ELOVL5: variants seen among roughly 807,000 people sequenced by gnomAD.
The protein encoded by ELOVL5 is very long chain fatty acid elongase 5.
ELOVL5 carries 8 observed loss-of-function variants against 38.6 expected under a neutral mutation model. The observed-to-expected ratio is 0.21, with a 90% CI of 0.12 to 0.37. The LOEUF (loss-of-function observed/expected upper bound fraction) is 0.37, where lower values mean the gene tolerates loss of function less well. Ranked by LOEUF, ELOVL5 falls within the 10% of genes least tolerant of loss-of-function variation. ELOVL5 has a pLI of 1.00. For synonymous variants in ELOVL5, 127 were observed against 133.7 expected, an observed-to-expected ratio of 0.95 and a Z score of 0.34; for missense variants, 280 against 367.8, an observed-to-expected ratio of 0.76 and a Z score of 1.95.
chr6:53,312,110 C>T (rs9395856), intron 1 of ELOVL5, among the ~76,000 whole-genome samples: 55,236 of 151,886 alleles, frequency 0.36, 11,154 homozygotes, highest in African/African-American at 0.55. Context: ...TGAAACCTTC[C>T]GTAACCTAGA....
At chr6:53,330,517 CTTT>C (rs757160862) in intron 1 of ELOVL5, among the ~76,000 whole-genome samples, 1,118 of 91,352 alleles carry the variant, frequency 0.012, 15 homozygotes, top group African/African-American at 0.044. Flanking sequence ...TCTTTATAAA[CTTT>C]TTTTTTTTTT....
chr6:53,324,517 A>G (rs1768438891), intron 1 of ELOVL5, among the ~76,000 whole-genome samples: 1 of 151,570 alleles, frequency 6.6e-6, no homozygotes, highest in South Asian at 2.1e-4. Flanking sequence ...CTCTACAAAA[A>G]ATAGGAAAAT....
chr6:53,285,696 G>A (rs1766542451), intron 3 of ELOVL5, among the ~76,000 whole-genome samples: 1 of 152,118 alleles, frequency 6.6e-6, no homozygotes, highest in Admixed American at 6.5e-5. Context: ...GGAACCTTGA[G>A]CTCCTGGGCA....
intron 1 of ELOVL5, chr6:53,336,897 T>C (rs1212588519): frequency 1.3e-5 from 2 of 152,166 alleles, no homozygotes; most frequent in African/African-American, 4.8e-5. Flanking sequence ...CCTTCAACCA[T>C]TGTTTACTAT....
intron 1 of ELOVL5, among the ~76,000 whole-genome samples, chr6:53,331,199 T>C (rs1211976209): frequency 6.6e-6 from 1 of 152,018 alleles, no homozygotes; most frequent in Non-Finnish European, 1.5e-5. Flanking sequence ...TGGTGGTACA[T>C]ACCTGTGGTC....
At chr6:53,290,240 A>G (rs1419438498) in intron 3 of ELOVL5, 1 of 152,252 alleles carries the variant, frequency 6.6e-6, no homozygotes, top group Admixed American at 6.5e-5. Context: ...TCTAGGGCTT[A>G]AGAAACATTT....
At chr6:53,318,865 ATAT>A (rs1443880355) in intron 1 of ELOVL5, among the ~76,000 whole-genome samples, 3 of 152,228 alleles carry the variant, frequency 2.0e-5, no homozygotes, top group Non-Finnish European at 4.4e-5. Context: ...TATATCTAAA[ATAT>A]TATCATTTCA....
intron 1 of ELOVL5, among the ~76,000 whole-genome samples, chr6:53,339,483 C>T (rs575568352): frequency 6.6e-6 from 1 of 152,316 alleles, no homozygotes; most frequent in South Asian, 2.1e-4. Context: ...ATCAAAATGA[C>T]TTAATGTCAT....
intron 1 of ELOVL5, among the ~76,000 whole-genome samples, chr6:53,331,230 G>A (rs927266847): frequency 2.6e-5 from 4 of 152,156 alleles, no homozygotes; most frequent in Admixed American, 6.5e-5. Context: ...GGAAGCTGAG[G>A]TGGGAGGACT....
chr6:53,296,193 A>C (rs1284819370), intron 1 of ELOVL5, among the ~76,000 whole-genome samples: 3 of 152,194 alleles, frequency 2.0e-5, no homozygotes. Context: ...TACAGTAAAA[A>C]AAAATTCAAG....
chr6:53,286,734 T>G (rs1766584689), intron 3 of ELOVL5, among the ~76,000 whole-genome samples: 2 of 152,148 alleles, frequency 1.3e-5, no homozygotes, highest in Admixed American at 1.3e-4. Context: ...TCTATACGAC[T>G]CAAGATGAAT....
chr6:53,311,906 C>T (rs1344707055), intron 1 of ELOVL5, among the ~76,000 whole-genome samples: 1 of 152,070 alleles, frequency 6.6e-6, no homozygotes, highest in African/African-American at 2.4e-5. Context: ...TTAAAAATAA[C>T]TTTAAGAAAA....
intron 1 of ELOVL5, among the ~76,000 whole-genome samples, chr6:53,322,297 G>A (rs1030284147): frequency 1.3e-5 from 2 of 152,128 alleles, no homozygotes; most frequent in Non-Finnish European, 2.9e-5. Flanking sequence ...AGAACTTGAA[G>A]TAAGAAGACT....
chr6:53,326,887 G>A (rs552522479), intron 1 of ELOVL5, among the ~76,000 whole-genome samples: 15 of 152,262 alleles, frequency 9.9e-5, no homozygotes, highest in African/African-American at 3.4e-4. Flanking sequence ...CACAACAGGC[G>A]CTTGGCACCA....
At chr6:53,302,220 A>G (rs902355729) in intron 1 of ELOVL5, among the ~76,000 whole-genome samples, 3 of 152,162 alleles carry the variant, frequency 2.0e-5, no homozygotes, top group Non-Finnish European at 4.4e-5. Context: ...CCACTGTTCA[A>G]CTCCCTCCAG....
chr6:53,305,903 G>A (rs1767516981), intron 1 of ELOVL5, among the ~76,000 whole-genome samples: 1 of 152,060 alleles, frequency 6.6e-6, no homozygotes, highest in African/African-American at 2.4e-5. Flanking sequence ...CTGCACTCCA[G>A]CCTGGGCACC....
Position 53,269,051 on chromosome 6 carries a change from TAACGAGCATTGGGGCAC to T in ELOVL5, c.*59_*75del, listed in dbSNP as rs1403012356. Reference sequence around the variant, plus strand: ...AGGCCAGACTAGTTACAGCAGCTGTTAACGAGCATTGGGGCACAACTCATATTGTGCTTACAATCAGA... The same window carrying T: ...AGGCCAGACTAGTTACAGCAGCTGTTAACTCATATTGTGCTTACAATCAGA... On this transcript the variant is annotated 3_prime_UTR_variant, in exon 8 of 8. Coordinates refer to ENST00000304434, the MANE Select transcript of ELOVL5 (RefSeq NM_021814.5). The T allele has an allele frequency of 2.9e-5, 44 of 1,538,384 alleles. No individual in the cohort carries two copies. The highest frequency in any genetic ancestry group is 3.8e-5 in the Non-Finnish European group (43 of 1,132,994).
At chr6:53,312,283 T>C (rs935700090) in intron 1 of ELOVL5, among the ~76,000 whole-genome samples, 2 of 152,152 alleles carry the variant, frequency 1.3e-5, no homozygotes, top group Non-Finnish European at 2.9e-5. Flanking sequence ...AGCTAGAAAC[T>C]AGAAACAAAC....
intron 4 of ELOVL5, 105 bp from the exon 5 acceptor site, chr6:53,275,366 G>A (rs953617561): frequency 3.4e-6 from 4 of 1,169,428 alleles, no homozygotes; most frequent in Non-Finnish European, 4.9e-6. Flanking sequence ...TCAACTCGGA[G>A]AAGCCCGAGT....
Sources: gnomAD v4.1 joint callset for allele counts (sites outside exome capture counted in the v4.1 genomes callset) on GRCh38, gnomAD v4.1.1 for gene constraint, MANE v1.5 for transcripts, NCBI Gene and HGNC (gene_info 2026-07-23, HGNC 2026-07-21) for gene names.